RASA1: variants seen among roughly 807,000 people sequenced by gnomAD.
RASA1 encodes RAS p21 protein activator 1, also known as ras GTPase-activating protein 1.
A neutral mutation model predicts 132.2 loss-of-function variants in RASA1; 25 were observed. The ratio of observed to expected loss-of-function variants is 0.19; its 90% CI spans 0.14 to 0.26. The LOEUF (loss-of-function observed/expected upper bound fraction) is 0.26, where lower values mean the gene tolerates loss of function less well. Among genes scored for constraint, RASA1 ranks in the 10% least tolerant of loss-of-function variants. The pLI, the probability that RASA1 is intolerant of heterozygous loss-of-function variation, is 1.00. For synonymous variants in RASA1, 477 were observed against 449.9 expected, an observed-to-expected ratio of 1.06 and a Z score of -0.76; for missense variants, 964 against 1,299.2, an observed-to-expected ratio of 0.74 and a Z score of 3.97.
At chr5:87,289,299 A>T (rs547925455) in intron 1 of RASA1, among the ~76,000 whole-genome samples, 29 of 152,268 alleles carry the variant, frequency 1.9e-4, no homozygotes, top group South Asian at 1.9e-3. Flanking sequence ...TGATGTACCT[A>T]AGTTTGGACT....
intron 4 of RASA1, among the ~76,000 whole-genome samples, chr5:87,334,943 G>T (rs1244852228): frequency 6.6e-6 from 1 of 152,122 alleles, no homozygotes; most frequent in Non-Finnish European, 1.5e-5. Context: ...GAGTGCAGTG[G>T]CACGATCTTG....
chr5:87,337,875 A>C (rs748095755), intron 4 of RASA1, 99 bp from the exon 5 acceptor site: 142 of 1,250,328 alleles, frequency 1.1e-4, no homozygotes, highest in Non-Finnish European at 1.4e-4. Flanking sequence ...TACATTTTTC[A>C]ATATAATACT....
At position 87,369,499 on chromosome 5, in the gene RASA1, A is replaced by G. The variant is rs76578424; in HGVS notation, c.1611-314A>G. On this transcript the variant is annotated intron_variant, in intron 11 of 24. Transcript: ENST00000274376. ...TTTCCAGTGCATATAAAGCTTTTCAAATTAGCTGTGTGCAGTTCTAGCAGT... is the reference window on the plus strand; with the variant it reads ...TTTCCAGTGCATATAAAGCTTTTCAGATTAGCTGTGTGCAGTTCTAGCAGT... 3.5e-4 allele frequency among the ~76,000 whole-genome samples: 53 copies of G among 152,260 alleles called. No homozygotes were observed. In the East Asian group the frequency reaches 8.1e-3, roughly 23 times the overall value.
intron 1 of RASA1, among the ~76,000 whole-genome samples, chr5:87,272,015 G>A (rs2112229715): frequency 6.6e-6 from 1 of 151,946 alleles, no homozygotes; most frequent in Non-Finnish European, 1.5e-5. Context: ...AGCCGGTCGT[G>A]TTGGCGGGCG....
In RASA1 at chr5:87,285,776, G is replaced by A. The variant is rs1484018033; in HGVS notation, c.539+16786G>A. ...TGGGATCATAGGCGCACACCACCAC[G>A]CCCAGCTAATTTTTGTATTTTTAAT... On this transcript the variant is annotated intron_variant, in intron 1 of 24. Transcript: ENST00000274376. Among the ~76,000 whole-genome samples, 8 of 149,584 alleles carry A rather than the reference G, an allele frequency of 5.3e-5. No homozygotes were observed. In the South Asian group the frequency reaches 6.4e-4, roughly 12 times the overall value.
intron 23 of RASA1, among the ~76,000 whole-genome samples, 196 bp downstream of exon 23, chr5:87,387,099 T>C (rs925905662): frequency 2.0e-5 from 3 of 152,164 alleles, no homozygotes; most frequent in East Asian, 3.8e-4. Context: ...TTACACTAAA[T>C]AGTTTACACC....
chr5:87,336,621 G>A (rs1287236638), intron 4 of RASA1, among the ~76,000 whole-genome samples: 1 of 151,878 alleles, frequency 6.6e-6, no homozygotes, highest in South Asian at 2.1e-4. Flanking sequence ...TTTGGTTTTT[G>A]CACCATGAAA....
chr5:87,304,434 G>C (rs1755514625), intron 1 of RASA1, among the ~76,000 whole-genome samples: 1 of 150,472 alleles, frequency 6.6e-6, no homozygotes, highest in Admixed American at 6.6e-5. Flanking sequence ...TTATCCTTCT[G>C]CTTTTTGCAT....
intron 1 of RASA1, among the ~76,000 whole-genome samples, chr5:87,301,390 A>G (rs1185281893): frequency 1.3e-5 from 2 of 152,034 alleles, no homozygotes. Context: ...TTCAGTGTTC[A>G]GCACAATGAA....
At chr5:87,375,003 T>TA (rs916770003) in intron 15 of RASA1, 87 bp downstream of exon 15, 2 of 1,479,140 alleles carry the variant, frequency 1.4e-6, no homozygotes, top group Admixed American at 2.2e-5. Flanking sequence ...AAATAGAAAT[T>TA]AAAAAAACAG....
chr5:87,374,537 A>C (rs1343580966), intron 14 of RASA1, among the ~76,000 whole-genome samples: 1 of 148,542 alleles, frequency 6.7e-6, no homozygotes, highest in African/African-American at 2.5e-5. Flanking sequence ...CTTAGTTATT[A>C]ACATGAATTA....
chr5:87,346,132 T>A (rs1209664440), intron 6 of RASA1, among the ~76,000 whole-genome samples: 2 of 152,100 alleles, frequency 1.3e-5, no homozygotes. Context: ...TTAGCTCAAA[T>A]AGAGTTGAGA....
chr5:87,385,259 T>C, intron 21 of RASA1, 42 bp from the exon 22 acceptor site: 1 of 1,225,054 alleles, frequency 8.2e-7, no homozygotes, highest in Non-Finnish European at 1.2e-6. Flanking sequence ...CTGGAAGTGC[T>C]GTTGGACTTG....
intron 14 of RASA1, among the ~76,000 whole-genome samples, 191 bp downstream of exon 14, chr5:87,374,511 G>A (rs1233545724): frequency 7.7e-6 from 1 of 129,868 alleles, no homozygotes; most frequent in Non-Finnish European, 1.6e-5. Context: ...GAAGTGCTAT[G>A]CCCTTGGTTT....
intron 4 of RASA1, among the ~76,000 whole-genome samples, chr5:87,336,182 A>T (rs945194465): frequency 3.9e-5 from 6 of 152,176 alleles, no homozygotes; most frequent in Non-Finnish European, 5.9e-5. Context: ...TAAAACAGTG[A>T]TATTCTCACT....
At chr5:87,381,181 C>T (rs1761689795) in intron 20 of RASA1, among the ~76,000 whole-genome samples, 1 of 152,166 alleles carries the variant, frequency 6.6e-6, no homozygotes, top group East Asian at 1.9e-4. Flanking sequence ...AAGGTTACTT[C>T]ATTATCATTA....
intron 1 of RASA1, among the ~76,000 whole-genome samples, chr5:87,275,905 TC>T (rs1335743628): frequency 6.6e-6 from 1 of 152,124 alleles, no homozygotes; most frequent in Non-Finnish European, 1.5e-5. Context: ...CTATGGCAGT[TC>T]CGTGAAAGAC....
intron 5 of RASA1, among the ~76,000 whole-genome samples, chr5:87,338,813 C>T (rs1260561073): frequency 6.6e-6 from 1 of 151,602 alleles, no homozygotes; most frequent in African/African-American, 2.4e-5. Flanking sequence ...ATATAATTTT[C>T]CAGTAAACTT....
At chr5:87,310,499 A>C (rs1580227907) in intron 1 of RASA1, among the ~76,000 whole-genome samples, 2 of 152,196 alleles carry the variant, frequency 1.3e-5, no homozygotes, top group Admixed American at 1.3e-4. Flanking sequence ...AAAAATTTAC[A>C]ACTAATGGAG....
Sources: gnomAD v4.1 joint callset for allele counts (sites outside exome capture counted in the v4.1 genomes callset) on GRCh38, gnomAD v4.1.1 for gene constraint, MANE v1.5 for transcripts, NCBI Gene and HGNC (gene_info 2026-07-23, HGNC 2026-07-21) for gene names.